Variants in CFAP65 observed in about 807,000 individuals in gnomAD.
CFAP65 encodes cilia and flagella associated protein 65.
CFAP65 carries 155 observed loss-of-function variants against 208.0 expected under a neutral mutation model. That is an observed-to-expected ratio of 0.75 (90% CI 0.65 to 0.85). The LOEUF (loss-of-function observed/expected upper bound fraction) is 0.85, where lower values mean the gene tolerates loss of function less well. Ranked by LOEUF, CFAP65 falls within the 40% of genes least tolerant of loss-of-function variation. The pLI is 0.00. For synonymous variants in CFAP65, 970 were observed against 986.3 expected, an observed-to-expected ratio of 0.98 and a Z score of 0.31; for missense variants, 2,294 against 2,451.3, an observed-to-expected ratio of 0.94 and a Z score of 1.36.
Position 219,038,493 on chromosome 2 carries a change from T to C in CFAP65, c.239A>G (p.Asn80Ser). 6.2e-7 allele frequency: 1 copy of C among 1,614,166 alleles called. No homozygotes were observed. Residue 80 changes from asparagine (N) to serine (S), a missense_variant, in exon 4 of 35, where the codon AAC becomes AGC. Coordinates refer to ENST00000341552, the MANE Select transcript of CFAP65 (RefSeq NM_194302.4). ...AGAGTTCACGGTGTGGTTCCTGCTG[T>C]TCCTGGACCTCACGACGGAGCTTGG... ...QAPSSVVRSRNSRNHTVNSGG... is the reference protein window; with the variant it reads ...QAPSSVVRSRSSRNHTVNSGG...
At chr2:219,022,858 C>G (rs926225526) in intron 16 of CFAP65, among the ~76,000 whole-genome samples, 1 of 152,196 alleles carries the variant, frequency 6.6e-6, no homozygotes. Context: ...CCATTTGGGC[C>G]CAAATCCAGC....
chr2:219,029,145 C>T (rs1290051038), intron 11 of CFAP65, among the ~76,000 whole-genome samples: 2 of 152,216 alleles, frequency 1.3e-5, no homozygotes, highest in Non-Finnish European at 2.9e-5. Context: ...CCAAGCCTCC[C>T]TCTCCCAGCC....
At chr2:219,015,024 G>A (rs78429666) in intron 21 of CFAP65, 2,349 of 135,640 alleles carry the variant, frequency 0.017, 24 homozygotes, top group Non-Finnish European at 0.026. Context: ...GAGAGAAAGC[G>A]CACAAAAGCA....
chr2:219,030,639 T>C (rs2106228843), intron 9 of CFAP65, 50 bp downstream of exon 9: 1 of 1,592,552 alleles, frequency 6.3e-7, no homozygotes, highest in Non-Finnish European at 8.6e-7. Flanking sequence ...TTTTAGGAAA[T>C]TCCAATCCTG....
At chr2:219,028,502 C>A in intron 11 of CFAP65, 101 bp from the exon 12 acceptor site, 2 of 1,033,828 alleles carry the variant, frequency 1.9e-6, no homozygotes, top group South Asian at 2.7e-5. Context: ...GACAGGATAA[C>A]AGAGGCAGTG....
In CFAP65 at chr2:219,019,669, C is replaced by G; in HGVS notation, c.3310G>C (p.Val1104Leu). 1 of 1,613,686 alleles carries G rather than the reference C, an allele frequency of 6.2e-7. No individual in the cohort carries two copies. Among genetic ancestry groups the G allele is most frequent in the Non-Finnish European group, 8.5e-7 (1 of 1,180,030 alleles). Reference sequence around the variant, plus strand: ...TCCAGGATGGAAAGCAAGGGGTACACGGCCACCAGGGAGACGCAGCACAGC... The same window carrying G: ...TCCAGGATGGAAAGCAAGGGGTACAGGGCCACCAGGGAGACGCAGCACAGC... ...QELCCVSLVA[V>L]YPLLSILDVS... is the part of the protein sequence containing the mutation. Residue 1104 changes from valine to leucine, a missense_variant, in exon 20 of 35, where the codon GTG becomes CTG. Coordinates refer to ENST00000341552, the MANE Select transcript of CFAP65 (RefSeq NM_194302.4).
rs374266536 is a variant in CFAP65 at position 219,031,309 on chromosome 2, G to A, written c.816-4C>T. ...GGTGAAGAAGGTGGGCAGGTCCCTG[G>A]GGGTGGGGGGCAGGTCAGGGCACTG... is the stretch of plus-strand genomic sequence containing the variant. On this transcript the variant is annotated splice_region_variant and splice_polypyrimidine_tract_variant and intron_variant, in intron 7 of 34. Coordinates refer to ENST00000341552, the MANE Select transcript of CFAP65 (RefSeq NM_194302.4). The surrounding 1 kb of genome is among the most constrained non-coding windows in gnomAD (Gnocchi z 5.2). The A allele has an allele frequency of 2.1e-4, 341 of 1,613,414 alleles. 1 individual carries two copies. In the African/African-American group the frequency reaches 4.0e-3, roughly 19 times the overall value.
chr2:219,019,849 C>T, intron 19 of CFAP65, 130 bp from the exon 20 acceptor site: 1 of 681,554 alleles, frequency 1.5e-6, no homozygotes, highest in Admixed American at 2.5e-5. Flanking sequence ...GTGGACCCCT[C>T]TCGGGCTCTA....
intron 22 of CFAP65, 43 bp downstream of exon 22, chr2:219,013,819 AGGGGCC>A (rs1946650258): frequency 1.4e-6 from 2 of 1,457,410 alleles, no homozygotes; most frequent in African/African-American, 2.9e-5. Flanking sequence ...TGCCCGGGGT[AGGGGCC>A]TCTATGACTG....
intron 2 of CFAP65, 76 bp downstream of exon 2, chr2:219,040,443 C>T (rs1948599297): frequency 1.2e-6 from 1 of 819,416 alleles, no homozygotes; most frequent in East Asian, 2.7e-5. Flanking sequence ...TTCAGTCGTT[C>T]GTTCATTCAC....
In CFAP65 at chr2:219,003,141, A is replaced by G. The variant is rs1193950186; in HGVS notation, c.5687T>C (p.Val1896Ala). ...CTGGTCCCGGCGCCCTTACCTGGGC[A>G]CGCAGAACGGCGGCAGGGCGATGAC... ...PRVIALPPFCVPRSLTPDTLL... is the reference protein window; with the variant it reads ...PRVIALPPFCAPRSLTPDTLL... Residue 1896 changes from valine to alanine, a missense_variant, in exon 34 of 35, where the codon GTG (valine) becomes GCG (alanine). By Grantham distance (64) the Val-to-Ala change is moderately conservative (BLOSUM62 0). Transcript: ENST00000341552. This position sits in a 1 kb window ranked among gnomAD's most constrained non-coding sequence, Gnocchi z 4.4. The G allele has an allele frequency of 1.9e-6, 3 of 1,543,970 alleles. No individual in the cohort carries two copies. The highest frequency in any genetic ancestry group is 4.0e-5 in the Admixed American group (2 of 50,578).
At position 219,003,600 on chromosome 2, in the gene CFAP65, A is replaced by G. The variant is rs1486820004; in HGVS notation, c.5556-328T>C. ...ACTGGGTGGGGCCTAGGGAATCCCT[A>G]CAATGACATAAATCATCTGTAGGGC... On this transcript the variant is annotated intron_variant, in intron 33 of 34. Transcript: ENST00000341552. This position sits in a 1 kb window ranked among gnomAD's most constrained non-coding sequence, Gnocchi z 4.4. Among the ~76,000 whole-genome samples, 3 of 152,182 alleles carry G rather than the reference A, an allele frequency of 2.0e-5. No individual in the cohort carries two copies. Among genetic ancestry groups the G allele is most frequent in the African/African-American group, 7.2e-5 (3 of 41,452 alleles).
intron 30 of CFAP65, 59 bp from the exon 31 acceptor site, chr2:219,006,282 T>C: frequency 1.3e-6 from 2 of 1,547,898 alleles, no homozygotes; most frequent in Non-Finnish European, 1.8e-6. Context: ...ACATCACCAA[T>C]GGGGTCCCTT....
chr2:219,018,991 C>A (rs764682531), intron 21 of CFAP65, 60 bp downstream of exon 21: 10 of 1,608,156 alleles, frequency 6.2e-6, no homozygotes, highest in Non-Finnish European at 8.5e-6. Context: ...AGCTCTTGTT[C>A]TCCTTCAGCC....
intron 29 of CFAP65, 150 bp from the exon 30 acceptor site, chr2:219,006,659 G>A: frequency 1.4e-6 from 1 of 708,042 alleles, no homozygotes; most frequent in South Asian, 1.6e-5. Context: ...CATGGCGAAA[G>A]CCCGTCTCTA....
chr2:219,007,129 C>T (rs1946064717), intron 29 of CFAP65, among the ~76,000 whole-genome samples: 1 of 151,400 alleles, frequency 6.6e-6, no homozygotes, highest in African/African-American at 2.4e-5. Flanking sequence ...TCCCTCATGC[C>T]CCCAAGAAGA....
At chr2:219,028,525 C>T (rs2106215182) in intron 11 of CFAP65, 124 bp from the exon 12 acceptor site, 1 of 805,218 alleles carries the variant, frequency 1.2e-6, no homozygotes, top group Admixed American at 2.0e-5. Flanking sequence ...GCAGAAGCTC[C>T]AGGTGGCCAG....
In CFAP65 at chr2:219,030,724, A is replaced by T; in HGVS notation, c.1126T>A (p.Ser376Thr). Residue 376 changes from serine to threonine, a missense_variant, in exon 9 of 35, where the codon TCG becomes ACG. By Grantham distance (58) the Ser-to-Thr change is moderately conservative. Transcript: ENST00000341552. ...YFGSVAVGCTSERQIRLHNPS... is the reference protein window; with the variant it reads ...YFGSVAVGCTTERQIRLHNPS... ...TTGTGTAGCCTGATCTGCCTCTCCG[A>T]GGTGCAGCCCACAGCAACAGAGCCA... is the stretch of plus-strand genomic sequence containing the variant. 2 of 1,614,104 alleles carry T rather than the reference A, an allele frequency of 1.2e-6. No homozygotes were observed. The highest frequency in any genetic ancestry group is 1.7e-6 in the Non-Finnish European group (2 of 1,179,996).
At chr2:219,037,752 A>G (rs1190597525) in intron 4 of CFAP65, among the ~76,000 whole-genome samples, 1 of 152,178 alleles carries the variant, frequency 6.6e-6, no homozygotes, top group East Asian at 1.9e-4. Context: ...CTTTTAAAAC[A>G]TGACCCTCAG....
Sources: gnomAD v4.1 joint callset for allele counts (sites outside exome capture counted in the v4.1 genomes callset) on GRCh38, gnomAD v4.1.1 for gene constraint, Gnocchi (gnomAD v3.1) non-coding constraint, MANE v1.5 for transcripts, NCBI Gene and HGNC (gene_info 2026-07-23, HGNC 2026-07-21) for gene names.